Variants in RUNX1T1 observed in about 807,000 individuals in gnomAD.
The protein encoded by RUNX1T1 is protein CBFA2T1.
Under a neutral mutation model 62.8 loss-of-function variants are expected in RUNX1T1, and 4 were observed. The ratio of observed to expected loss-of-function variants is 0.06; its 90% CI spans 0.03 to 0.15. The LOEUF is 0.15. Ranked by LOEUF, RUNX1T1 falls within the 10% of genes least tolerant of loss-of-function variation. The pLI is 1.00. For missense variants in RUNX1T1, 508 were observed against 754.3 expected (o/e 0.67, Z 3.82); for synonymous variants, 291 against 286.0 (o/e 1.02, Z -0.18).
intron 6 of RUNX1T1, among the ~76,000 whole-genome samples, chr8:91,990,723 T>A (rs1297597396): frequency 6.6e-6 from 1 of 151,740 alleles, no homozygotes; most frequent in East Asian, 1.9e-4. Flanking sequence ...AGTGGCATGA[T>A]CTCATCTAAC....
At chr8:92,098,314 C>T (rs1210317603) in intron 1 of RUNX1T1, among the ~76,000 whole-genome samples, 1 of 152,172 alleles carries the variant, frequency 6.6e-6, no homozygotes, top group African/African-American at 2.4e-5. Flanking sequence ...ATTCTTCACT[C>T]ATTTTGCTTT....
intron 1 of RUNX1T1, among the ~76,000 whole-genome samples, chr8:92,094,012 G>T (rs988244753): frequency 2.0e-5 from 3 of 152,176 alleles, no homozygotes; most frequent in Admixed American, 6.5e-5. Flanking sequence ...TTCTGTCTGG[G>T]TGATAAGGTA....
chr8:92,072,917 T>C (rs1010023115), intron 2 of RUNX1T1, among the ~76,000 whole-genome samples: 2 of 152,200 alleles, frequency 1.3e-5, no homozygotes, highest in Non-Finnish European at 2.9e-5. Context: ...TTTTTCAAAA[T>C]ACAAATGTGG....
chr8:91,986,213 C>G, exon 8 of RUNX1T1: 1 of 1,614,148 alleles, frequency 6.2e-7, no homozygotes, highest in Non-Finnish European at 8.5e-7. Context: ...CTCGGCGTCA[C>G]TGTACCGCCG....
intron 1 of RUNX1T1, among the ~76,000 whole-genome samples, chr8:92,022,858 C>T (rs1338253229): frequency 6.6e-6 from 1 of 152,176 alleles, no homozygotes; most frequent in Non-Finnish European, 1.5e-5. Flanking sequence ...GTCCCATTGT[C>T]CATGGAATAA....
chr8:92,020,664 T>C (rs1368869102), intron 1 of RUNX1T1, among the ~76,000 whole-genome samples: 1 of 152,208 alleles, frequency 6.6e-6, no homozygotes, highest in Non-Finnish European at 1.5e-5. Flanking sequence ...CGATCTTCCC[T>C]CTGTGTAACG....
At chr8:92,034,588 T>C (rs960188739) in intron 1 of RUNX1T1, among the ~76,000 whole-genome samples, 5 of 152,034 alleles carry the variant, frequency 3.3e-5, no homozygotes, top group Admixed American at 6.6e-5. Context: ...TCCTAGTTTA[T>C]TGCAGCACTA....
intron 5 of RUNX1T1, chr8:92,004,871 C>T (rs1820441002): frequency 2.6e-6 from 1 of 382,624 alleles, no homozygotes; most frequent in Admixed American, 4.6e-5. Context: ...TCGTCTTCAC[C>T]ATTTCGCTTT....
At chr8:91,983,447 G>C (rs1259228087) in intron 8 of RUNX1T1, among the ~76,000 whole-genome samples, 1 of 152,124 alleles carries the variant, frequency 6.6e-6, no homozygotes, top group Non-Finnish European at 1.5e-5. Context: ...AACGTTCCCA[G>C]TGTTTCCAAG....
intron 1 of RUNX1T1, among the ~76,000 whole-genome samples, chr8:92,020,578 T>G (rs964384630): frequency 6.6e-6 from 1 of 152,098 alleles, no homozygotes; most frequent in Admixed American, 6.6e-5. Flanking sequence ...CATCAGATCA[T>G]GTAGCAAAGG....
At chr8:92,004,801 T>C (rs1820425744) in intron 5 of RUNX1T1, 1 of 228,178 alleles carries the variant, frequency 4.4e-6, no homozygotes, top group African/African-American at 2.3e-5. Context: ...TGAATGAGAA[T>C]TTTAATATTG....
chr8:92,102,181 C>G (rs1034633963), upstream of RUNX1T1, among the ~76,000 whole-genome samples: 1 of 152,280 alleles, frequency 6.6e-6, no homozygotes, highest in African/African-American at 2.4e-5. This position sits in a 1 kb window ranked among gnomAD's most constrained non-coding sequence, Gnocchi z 4.5. Context: ...AGCCCGGGAC[C>G]AGCCTCGGGC....
At chr8:91,983,379 TCTCCC>T (rs1815852306) in intron 8 of RUNX1T1, among the ~76,000 whole-genome samples, 1 of 152,258 alleles carries the variant, frequency 6.6e-6, no homozygotes, top group African/African-American at 2.4e-5. Flanking sequence ...AAAGTTACAT[TCTCCC>T]CTGTGCAGTC....
intron 1 of RUNX1T1, among the ~76,000 whole-genome samples, chr8:92,084,243 TAATAAA>T (rs576128440): frequency 4.1e-4 from 47 of 115,030 alleles, no homozygotes; most frequent in African/African-American, 1.0e-3. Flanking sequence ...ACTTAAAGTA[TAATAAA>T]AATAAAAATA....
At chr8:92,053,113 G>C (rs189625197) in intron 1 of RUNX1T1, among the ~76,000 whole-genome samples, 1 of 151,944 alleles carries the variant, frequency 6.6e-6, no homozygotes, top group Admixed American at 6.6e-5. Context: ...CATTCAAAGA[G>C]AGCAGCAATT....
exon 3 of RUNX1T1, chr8:92,014,785 T>C: frequency 6.2e-7 from 1 of 1,613,646 alleles, no homozygotes; most frequent in Non-Finnish European, 8.5e-7. Context: ...GGGGCGCCAT[T>C]CAAGGCTGTA....
At chr8:91,996,720 A>C (rs1459091832) in intron 5 of RUNX1T1, among the ~76,000 whole-genome samples, 1 of 151,972 alleles carries the variant, frequency 6.6e-6, no homozygotes, top group Non-Finnish European at 1.5e-5. Flanking sequence ...TAACAAATTA[A>C]GAGACAACCT....
intron 1 of RUNX1T1, among the ~76,000 whole-genome samples, chr8:92,045,987 T>C (rs1235695120): frequency 6.6e-6 from 1 of 152,138 alleles, no homozygotes; most frequent in African/African-American, 2.4e-5. Flanking sequence ...AAAATTTAAG[T>C]GGGTCCAAGG....
At chr8:92,039,470 T>C (rs1380360656) in intron 1 of RUNX1T1, among the ~76,000 whole-genome samples, 1 of 152,194 alleles carries the variant, frequency 6.6e-6, no homozygotes, top group Non-Finnish European at 1.5e-5. Context: ...GGTGCCCTGG[T>C]ATTCCCATAT....
Sources: allele counts gnomAD v4.1 joint callset (sites outside exome capture counted in the v4.1 genomes callset), GRCh38; gene constraint gnomAD v4.1.1; non-coding constraint Gnocchi (gnomAD v3.1); transcripts MANE v1.5; gene names NCBI Gene and HGNC (gene_info 2026-07-23, HGNC 2026-07-21).